The following ZNF2 variants were observed in gnomAD, a reference collection of about 807,000 sequenced individuals.
ZNF2 encodes zinc finger protein 2.2.
In ZNF2, 12 loss-of-function variants were observed where a neutral mutation model predicts 21.9. The ratio of observed to expected loss-of-function variants is 0.55; its 90% CI spans 0.35 to 0.89. The LOEUF is 0.89. Among genes scored for constraint, ZNF2 ranks in the 40% least tolerant of loss-of-function variants. The pLI, the probability that ZNF2 is intolerant of heterozygous loss-of-function variation, is 0.01. For missense variants in ZNF2, 462 were observed against 544.2 expected (o/e 0.85, Z 1.50); for synonymous variants, 186 against 196.3 (o/e 0.95, Z 0.44).
Position 95,181,814 on chromosome 2 carries a change from A to G in ZNF2, c.986A>G (p.Asn329Ser), listed in dbSNP as rs1674676402. 7 of 1,614,158 alleles carry G rather than the reference A, an allele frequency of 4.3e-6. No individual in the cohort carries two copies. Among genetic ancestry groups the G allele is most frequent in the Non-Finnish European group, 5.9e-6 (7 of 1,180,024 alleles). Residue 329 changes from asparagine (N) to serine (S), a missense_variant, in exon 5 of 5, where the codon AAT becomes AGT. Transcript: ENST00000614034. ...GKAFYGVSSL[N>S]RHQKAHAGDP... Reference sequence around the variant, plus strand: ...GCTTTCTATGGTGTCTCGTCTCTGAATAGACATCAGAAAGCTCATGCTGGG... The same window carrying G: ...GCTTTCTATGGTGTCTCGTCTCTGAGTAGACATCAGAAAGCTCATGCTGGG...
At chr2:95,177,113 A>G (rs1237378946) in intron 2 of ZNF2, among the ~76,000 whole-genome samples, 1 of 152,252 alleles carries the variant, frequency 6.6e-6, no homozygotes, top group African/African-American at 2.4e-5. Flanking sequence ...CAAGAGGCCT[A>G]ACAAAAAGAT....
intron 3 of ZNF2, among the ~76,000 whole-genome samples, chr2:95,179,773 G>A (rs1674573573): frequency 6.6e-6 from 1 of 152,324 alleles, no homozygotes; most frequent in East Asian, 1.9e-4. Flanking sequence ...CTTAGATGCT[G>A]TGGCCAGGCT....
At chr2:95,167,739 T>G (rs1189815633) in intron 1 of ZNF2, among the ~76,000 whole-genome samples, 1 of 149,342 alleles carries the variant, frequency 6.7e-6, no homozygotes, top group Non-Finnish European at 1.5e-5. Context: ...CCCAGCTACT[T>G]GGGAGGCTGA....
chr2:95,182,102 A>C lies in ZNF2; in HGVS notation c.1274A>C (p.Asp425Ala), dbSNP rs1674695803. The C allele has an allele frequency of 6.3e-7, 1 of 1,596,440 alleles. No homozygotes were observed. The highest frequency in any genetic ancestry group is 2.2e-5 in the East Asian group (1 of 44,530). Residue 425 changes from aspartate (D) to alanine (A), a missense_variant, in exon 5 of 5, where the codon GAC becomes GCC. Transcript: ENST00000614034. ...CGGCGTTACGCCAAACAGGGAATAG[A>C]CTGAGTTGGGCAAAAGCTTGGGTAG... is the stretch of plus-strand genomic sequence containing the variant. ...HQRRYAKQGI[D>A] is the part of the protein sequence containing the mutation.
At chr2:95,177,703 G>A in intron 3 of ZNF2, 94 bp downstream of exon 3, 1 of 1,447,088 alleles carries the variant, frequency 6.9e-7, no homozygotes, top group Non-Finnish European at 9.2e-7. Context: ...TCCCCGCTGA[G>A]TTCTGAGCCA....
At chr2:95,180,027 A>C (rs1470679680) in intron 3 of ZNF2, 132 bp from the exon 4 acceptor site, 1 of 640,576 alleles carries the variant, frequency 1.6e-6, no homozygotes. Context: ...ACAGCATTCC[A>C]GCCTGGGCGA....
intron 1 of ZNF2, among the ~76,000 whole-genome samples, chr2:95,171,999 G>A (rs997634901): frequency 6.6e-5 from 10 of 152,138 alleles, no homozygotes; most frequent in Admixed American, 6.5e-4. Context: ...AAGACAAGCC[G>A]GGTAGAGGAA....
At chr2:95,172,446 C>G (rs1307445293) in intron 1 of ZNF2, among the ~76,000 whole-genome samples, 2 of 151,794 alleles carry the variant, frequency 1.3e-5, no homozygotes, top group African/African-American at 4.8e-5. Context: ...TTTCTGTACA[C>G]CAAAATAAGG....
intron 4 of ZNF2, 130 bp from the exon 5 acceptor site, chr2:95,180,973 T>C: frequency 8.8e-7 from 1 of 1,134,222 alleles, no homozygotes; most frequent in Non-Finnish European, 1.3e-6. Context: ...CTCCCTGCCG[T>C]GTAAGACTAT....
intron 3 of ZNF2, among the ~76,000 whole-genome samples, chr2:95,178,633 G>C (rs1214186462): frequency 6.6e-6 from 1 of 152,116 alleles, no homozygotes. Context: ...CTCAGCAAAA[G>C]GGAAGTTTAG....
chr2:95,176,212 A>T lies in ZNF2; in HGVS notation c.-15A>T. The T allele has an allele frequency of 6.2e-7, 1 of 1,614,092 alleles. No individual in the cohort carries two copies. The highest frequency in any genetic ancestry group is 8.5e-7 in the Non-Finnish European group (1 of 1,180,018). On this transcript the variant is annotated 5_prime_UTR_variant, in exon 2 of 5. Transcript: ENST00000614034. ...GGACTCTGCCCTTGTCCACAAGGAG[A>T]GCACACAGGAGAGAATGGCTGCTGT...
rs1193617562 is a variant in ZNF2, at chr2:95,181,803, C to T, written c.975C>T (p.Val325=). Residue 325 remains valine (V), a synonymous_variant, in exon 5 of 5, where the codon GTC becomes GTT. Coordinates refer to ENST00000614034, the MANE Select transcript of ZNF2 (RefSeq NM_021088.4). ...AGTGCGGGAAAGCTTTCTATGGTGT[C>T]TCGTCTCTGAATAGACATCAGAAAG... The part of the protein sequence containing the change: ...CNECGKAFYG[V]SSLNRHQKAH... 7 of 1,614,214 alleles carry T rather than the reference C, an allele frequency of 4.3e-6. No individual in the cohort carries two copies. Among genetic ancestry groups the T allele is most frequent in the Non-Finnish European group, 5.1e-6 (6 of 1,180,044 alleles).
Position 95,183,627 on chromosome 2 carries a change from T to A in ZNF2, c.*1521T>A, listed in dbSNP as rs1358161941. ...GGCCCAGTCCTATTTTTTTTTTTTT[T>A]TTTTTTTTTGTGAGACAGAGTCTCA... On this transcript the variant is annotated 3_prime_UTR_variant, in exon 5 of 5. Coordinates refer to ENST00000614034, the MANE Select transcript of ZNF2 (RefSeq NM_021088.4). 2.8e-5 allele frequency: 4 copies of A among 145,204 alleles called. No homozygotes were observed. Among genetic ancestry groups the A allele is most frequent in the African/African-American group, 7.8e-5 (3 of 38,428 alleles). The allele number at this position is 145,204 out of a possible 1,614,324, so 9.0% of individuals were successfully genotyped here.
At chr2:95,170,083 G>A (rs1674219647) in intron 1 of ZNF2, among the ~76,000 whole-genome samples, 1 of 152,176 alleles carries the variant, frequency 6.6e-6, no homozygotes, top group Admixed American at 6.5e-5. Flanking sequence ...ACACTTTCCT[G>A]TATCTCTAAA....
At chr2:95,167,554 AATGCATTGGTAGGCCAG>A (rs1430635253) in intron 1 of ZNF2, among the ~76,000 whole-genome samples, 63 of 151,756 alleles carry the variant, frequency 4.2e-4, no homozygotes, top group Middle Eastern at 6.8e-3. Flanking sequence ...TAGGATCAGA[AATGCATTGGTAGGCCAG>A]GTGCGGTAGC....
chr2:95,181,767 T>C lies in ZNF2; in HGVS notation c.939T>C (p.Tyr313=), dbSNP rs1674672280. Residue 313 remains tyrosine (Y), a synonymous_variant, in exon 5 of 5, where the codon TAT becomes TAC. Transcript: ENST00000614034. ...HQLIHTGRKP[Y]ECNECGKAFY... ...TAATCCACACTGGCAGGAAGCCTTA[T>C]GAGTGTAACGAGTGCGGGAAAGCTT... The C allele has an allele frequency of 6.2e-7, 1 of 1,614,210 alleles. No individual in the cohort carries two copies.
intron 4 of ZNF2, among the ~76,000 whole-genome samples, chr2:95,180,668 G>A (rs1467107814): frequency 2.6e-5 from 4 of 151,998 alleles, no homozygotes; most frequent in East Asian, 1.9e-4. Context: ...CCGCTACCAC[G>A]CCTGGATAAT....
rs970784541 is a variant in ZNF2, at chr2:95,165,826, C to T, written c.-74C>T. On this transcript the variant is annotated 5_prime_UTR_variant, in exon 1 of 5. Coordinates refer to ENST00000614034, the MANE Select transcript of ZNF2 (RefSeq NM_021088.4). Reference sequence around the variant, plus strand: ...GTTGGTTTCCCGACCTGAAGAGGCGCCGTCTTCCCGGGTCCCGAGCACTCT... The same window carrying T: ...GTTGGTTTCCCGACCTGAAGAGGCGTCGTCTTCCCGGGTCCCGAGCACTCT... 1.3e-5 allele frequency: 2 copies of T among 152,314 alleles called. No homozygotes were observed. The highest frequency in any genetic ancestry group is 2.9e-5 in the Non-Finnish European group (2 of 68,098). The allele number at this position is 152,314 out of a possible 1,614,324, so 9.4% of individuals were successfully genotyped here.
intron 1 of ZNF2, among the ~76,000 whole-genome samples, chr2:95,169,930 A>G (rs1674215934): frequency 6.6e-6 from 1 of 152,180 alleles, no homozygotes; most frequent in South Asian, 2.1e-4. Context: ...ACTGCAAGAG[A>G]TATTACTTCC....
Sources: gnomAD v4.1 joint callset for allele counts (sites outside exome capture counted in the v4.1 genomes callset) on GRCh38, gnomAD v4.1.1 for gene constraint, MANE v1.5 for transcripts, NCBI Gene and HGNC (gene_info 2026-07-23, HGNC 2026-07-21) for gene names.